MAPK14: variants seen among roughly 807,000 people sequenced by gnomAD.
MAPK14 encodes mitogen-activated protein kinase 14.
A neutral mutation model predicts 49.6 loss-of-function variants in MAPK14; 16 were observed. That is an observed-to-expected ratio of 0.32 (90% confidence interval 0.22 to 0.49). The LOEUF (loss-of-function observed/expected upper bound fraction) is 0.49, where lower values mean the gene tolerates loss of function less well. MAPK14 is among the 20% of genes least tolerant of loss of function. The pLI is 0.99. For synonymous variants in MAPK14, 142 were observed against 158.0 expected, an observed-to-expected ratio of 0.90 and a Z score of 0.76; for missense variants, 200 against 441.2, an observed-to-expected ratio of 0.45 and a Z score of 4.90.
At chr6:36,068,636 G>A (rs1764153863) in intron 3 of MAPK14, among the ~76,000 whole-genome samples, 1 of 152,154 alleles carries the variant, frequency 6.6e-6, no homozygotes, top group Admixed American at 6.5e-5. Context: ...ACTGATAGTA[G>A]TAAGAGACGC....
At position 36,052,719 on chromosome 6, in the gene MAPK14, C is replaced by T. The variant is rs774943543; in HGVS notation, c.137C>T (p.Thr46Met). Reference sequence around the variant, plus strand: ...CTTAGTGCTGCTTTTGACACAAAAACGGGGTTACGTGTGGCAGTGAAGAAG... The same window carrying T: ...CTTAGTGCTGCTTTTGACACAAAAATGGGGTTACGTGTGGCAGTGAAGAAG... ...GSVCAAFDTK[T>M]GLRVAVKKLS... Residue 46 changes from threonine (T) to methionine (M), a missense_variant, in exon 2 of 12, where the codon ACG becomes ATG. Around this residue, in one of 2 missense-constraint regions of MAPK14, gnomAD observed 170 missense variants for 407.0 expected, o/e 0.42. Coordinates refer to ENST00000229794, the MANE Select transcript of MAPK14 (RefSeq NM_139012.3). The T allele has an allele frequency of 4.4e-6, 7 of 1,606,650 alleles. No individual in the cohort carries two copies. Among genetic ancestry groups the T allele is most frequent in the East Asian group, 2.2e-5 (1 of 44,512 alleles).
At chr6:36,045,501 C>G (rs148291996) in intron 1 of MAPK14, among the ~76,000 whole-genome samples, 1 of 152,070 alleles carries the variant, frequency 6.6e-6, no homozygotes, top group Non-Finnish European at 1.5e-5. Context: ...AGGCCTACCT[C>G]TAATGGGTAT....
chr6:36,034,714 TAA>T (rs1377497576), intron 1 of MAPK14, among the ~76,000 whole-genome samples: 1 of 152,076 alleles, frequency 6.6e-6, no homozygotes. Flanking sequence ...AGTGCTTCCA[TAA>T]ATTAAGCACA....
downstream of MAPK14, among the ~76,000 whole-genome samples, chr6:36,115,941 A>AAAT (rs1425724038): frequency 3.2e-4 from 48 of 151,600 alleles, no homozygotes; most frequent in African/African-American, 1.0e-3. Context: ...AAAAAAAAAA[A>AAAT]AAATGAAAAA....
intron 8 of MAPK14, among the ~76,000 whole-genome samples, chr6:36,082,622 A>G (rs1444646437): frequency 1.3e-5 from 2 of 152,296 alleles, no homozygotes; most frequent in East Asian, 1.9e-4. Context: ...AGACTCTTTT[A>G]AACAACCAGC....
chr6:36,069,720 C>G (rs1764196771), intron 3 of MAPK14, among the ~76,000 whole-genome samples: 1 of 152,130 alleles, frequency 6.6e-6, no homozygotes, highest in Admixed American at 6.5e-5. Flanking sequence ...CTCTCTCTCT[C>G]TCTCTCTGTT....
chr6:36,100,298 G>A (rs749857948), intron 9 of MAPK14: 35 of 1,469,036 alleles, frequency 2.4e-5, no homozygotes, highest in South Asian at 1.4e-4. Context: ...CAGGGATGTC[G>A]CACTGAGAAG....
Position 36,059,480 on chromosome 6 carries a change from T to G in MAPK14, c.305+133T>G, listed in dbSNP as rs1228395974. ...TTCCTATCATGCACCTCTTTTTGGG[T>G]GTAGGGATGGATACCAGAAGATGTA... is the stretch of plus-strand genomic sequence containing the variant. On this transcript the variant is annotated intron_variant, in intron 3 of 11. Coordinates refer to ENST00000229794, the MANE Select transcript of MAPK14 (RefSeq NM_139012.3). 1.0e-5 allele frequency: 7 copies of G among 682,678 alleles called. No homozygotes were observed. In the Admixed American group the frequency reaches 1.6e-4, roughly 15 times the overall value. The allele number at this position is 682,678 out of a possible 1,614,324, so 42.3% of individuals were successfully genotyped here. A position where few individuals can be genotyped will look rare whatever the true frequency, so the allele number is the denominator to read the frequency against.
intron 4 of MAPK14, 81 bp from the exon 5 acceptor site, chr6:36,073,610 T>C: frequency 9.1e-7 from 1 of 1,098,334 alleles, no homozygotes; most frequent in Non-Finnish European, 1.4e-6. Flanking sequence ...TCTTACTGAT[T>C]CATGAAAATG....
intron 9 of MAPK14, among the ~76,000 whole-genome samples, chr6:36,100,990 T>C (rs932235979): frequency 6.6e-6 from 1 of 152,242 alleles, no homozygotes; most frequent in African/African-American, 2.4e-5. Context: ...TAGTTCTCTC[T>C]TACCTGTTTT....
intron 8 of MAPK14, chr6:36,092,445 T>G (rs1562145491): frequency 1.5e-6 from 1 of 662,072 alleles, no homozygotes; most frequent in East Asian, 3.7e-5. Flanking sequence ...AAGCGTTCTC[T>G]GCAGCACAGG....
intron 1 of MAPK14, among the ~76,000 whole-genome samples, chr6:36,031,861 A>G (rs1355462103): frequency 6.6e-6 from 1 of 152,242 alleles, no homozygotes; most frequent in Admixed American, 6.5e-5. Flanking sequence ...AGTTATAACT[A>G]TAAAGTAACA....
At chr6:36,093,837 T>A (rs546953860) in intron 8 of MAPK14, among the ~76,000 whole-genome samples, 25 of 152,170 alleles carry the variant, frequency 1.6e-4, no homozygotes, top group African/African-American at 6.0e-4. Flanking sequence ...TTTTGATGCA[T>A]ATATTGTAAA....
At chr6:36,111,583 T>C (rs761656427), downstream of MAPK14, among the ~76,000 whole-genome samples, 6 of 152,212 alleles carry the variant, frequency 3.9e-5, no homozygotes, top group Non-Finnish European at 7.4e-5. Flanking sequence ...CTACGGTCCT[T>C]GAAAATATTC....
intron 3 of MAPK14, among the ~76,000 whole-genome samples, chr6:36,067,418 C>T (rs1764103856): frequency 6.6e-6 from 1 of 151,998 alleles, no homozygotes; most frequent in Non-Finnish European, 1.5e-5. Context: ...CTGCTGCATC[C>T]CCAGGGCCCA....
downstream of MAPK14, among the ~76,000 whole-genome samples, chr6:36,112,939 C>T (rs1766001107): frequency 2.0e-5 from 3 of 152,136 alleles, no homozygotes; most frequent in African/African-American, 7.2e-5. Flanking sequence ...GCTTCAGGTA[C>T]TTAAGAAGCA....
At chr6:36,049,712 A>T (rs1763320756) in intron 1 of MAPK14, among the ~76,000 whole-genome samples, 1 of 152,200 alleles carries the variant, frequency 6.6e-6, no homozygotes. Flanking sequence ...GAGCAAATTT[A>T]TGCTGATGAG....
chr6:36,116,033 A>T (rs9380547), downstream of MAPK14, among the ~76,000 whole-genome samples: 37,061 of 151,882 alleles, frequency 0.24, 5,135 homozygotes, highest in East Asian at 0.63. Context: ...TGCTTAAGCC[A>T]TGGAGGTTGA....
chr6:36,049,491 A>G (rs1310527974), intron 1 of MAPK14, among the ~76,000 whole-genome samples: 1 of 152,208 alleles, frequency 6.6e-6, no homozygotes, highest in East Asian at 1.9e-4. Flanking sequence ...GCTTGATAAA[A>G]TACAGATTAT....
Sources: allele counts gnomAD v4.1 joint callset (sites outside exome capture counted in the v4.1 genomes callset), GRCh38; gene constraint gnomAD v4.1.1; regional missense constraint gnomAD v4.1.1; transcripts MANE v1.5; gene names NCBI Gene and HGNC (gene_info 2026-07-23, HGNC 2026-07-21).